AGFG1: variants seen among roughly 807,000 people sequenced by gnomAD.
The protein encoded by AGFG1 is ArfGAP with FG repeats 1.
AGFG1 carries 10 observed loss-of-function variants against 60.6 expected under a neutral mutation model. That is an observed-to-expected ratio of 0.16 (90% CI 0.10 to 0.28). The LOEUF (loss-of-function observed/expected upper bound fraction) is 0.28, where lower values mean the gene tolerates loss of function less well. AGFG1 is among the 10% of genes least tolerant of loss of function. The pLI is 1.00. For synonymous variants in AGFG1, 247 were observed against 242.9 expected, an observed-to-expected ratio of 1.02 and a Z score of -0.16; for missense variants, 537 against 676.5, an observed-to-expected ratio of 0.79 and a Z score of 2.29.
chr2:227,552,889 T>A (rs1303312407), intron 11 of AGFG1, among the ~76,000 whole-genome samples: 1 of 150,832 alleles, frequency 6.6e-6, no homozygotes, highest in Non-Finnish European at 1.5e-5. Context: ...TAATCCCAGC[T>A]GTTCAGGAAG....
At position 227,515,122 on chromosome 2, in the gene AGFG1, T is replaced by C. The variant is rs548064748; in HGVS notation, c.262-4826T>C. On this transcript the variant is annotated intron_variant, in intron 2 of 12. Transcript: ENST00000310078. ...TTTTTGTAGAGACTGTATTTTGCCA[T>C]GTTGCCCAGGCTGGTCTTGAATTCC... Among the ~76,000 whole-genome samples, 5 of 152,242 alleles carry C rather than the reference T, an allele frequency of 3.3e-5. No individual in the cohort carries two copies. In the East Asian group the frequency reaches 7.7e-4, roughly 23 times the overall value.
intron 8 of AGFG1, among the ~76,000 whole-genome samples, chr2:227,536,345 G>C (rs756123948): frequency 6.6e-6 from 1 of 152,080 alleles, no homozygotes; most frequent in Non-Finnish European, 1.5e-5. Context: ...TGAATATTAA[G>C]ATAGTGGCAC....
chr2:227,497,267 G>A (rs957965454), intron 2 of AGFG1, among the ~76,000 whole-genome samples: 4 of 150,410 alleles, frequency 2.7e-5, no homozygotes, highest in Non-Finnish European at 4.4e-5. Flanking sequence ...TCTGCAGATT[G>A]AAGATGTATA....
At chr2:227,495,258 C>A (rs1690940034) in intron 2 of AGFG1, among the ~76,000 whole-genome samples, 1 of 151,826 alleles carries the variant, frequency 6.6e-6, no homozygotes, top group Middle Eastern at 3.2e-3. Flanking sequence ...TAAAAAAAAA[C>A]CTGTAGTGAT....
At chr2:227,544,864 G>A (rs559362801) in intron 10 of AGFG1, among the ~76,000 whole-genome samples, 24 of 152,194 alleles carry the variant, frequency 1.6e-4, no homozygotes, top group African/African-American at 4.6e-4. Context: ...TGGGTAGCCC[G>A]ACCTTTCTCT....
intron 9 of AGFG1, 49 bp downstream of exon 9, chr2:227,536,753 A>C: frequency 6.3e-7 from 1 of 1,593,374 alleles, no homozygotes; most frequent in Non-Finnish European, 8.6e-7. Context: ...ACCCAAATAT[A>C]TATTGTGTAG....
intron 10 of AGFG1, among the ~76,000 whole-genome samples, chr2:227,547,727 C>T (rs1312626070): frequency 1.3e-5 from 2 of 152,094 alleles, no homozygotes; most frequent in Non-Finnish European, 2.9e-5. Context: ...ATAGAAACCT[C>T]GTATATTGCT....
At chr2:227,510,731 C>T (rs979741465) in intron 2 of AGFG1, 2 of 152,142 alleles carry the variant, frequency 1.3e-5, no homozygotes, top group African/African-American at 4.8e-5. Context: ...ATCTAGAACA[C>T]AGTTCTGATG....
At chr2:227,553,612 A>C in intron 11 of AGFG1, 92 bp from the exon 12 acceptor site, 1 of 1,017,590 alleles carries the variant, frequency 9.8e-7, no homozygotes, top group Non-Finnish European at 1.5e-6. Context: ...CTGCTCTGGT[A>C]GGAATGTCTC....
chr2:227,506,115 T>G (rs955865227), intron 2 of AGFG1, among the ~76,000 whole-genome samples: 7 of 152,256 alleles, frequency 4.6e-5, no homozygotes, highest in Admixed American at 4.6e-4. Context: ...TCTTTATCAT[T>G]GCAGAATCTG....
chr2:227,520,079 G>A lies in AGFG1; in HGVS notation c.377+16G>A, dbSNP rs751258123. On this transcript the variant is annotated intron_variant, in intron 3 of 12. Transcript: ENST00000310078. ...AGAAAAGATGGTGAGTGAAGAGTTTGTATGTAGAATAAAGCCTCCCCAAAT... is the reference window on the plus strand; with the variant it reads ...AGAAAAGATGGTGAGTGAAGAGTTTATATGTAGAATAAAGCCTCCCCAAAT... 7 of 1,481,548 alleles carry A rather than the reference G, an allele frequency of 4.7e-6. No homozygotes were observed. Among genetic ancestry groups the A allele is most frequent in the South Asian group, 1.2e-5 (1 of 82,052 alleles). The allele number at this position is 1,481,548 out of a possible 1,614,324, so 91.8% of individuals were successfully genotyped here. A position where few individuals can be genotyped will look rare whatever the true frequency, so the allele number is the denominator to read the frequency against.
chr2:227,484,675 T>C (rs1284671448), intron 1 of AGFG1, among the ~76,000 whole-genome samples: 1 of 128,446 alleles, frequency 7.8e-6, no homozygotes, highest in Admixed American at 9.1e-5. Context: ...GAAGATCTCT[T>C]AGTTTTTTTT....
intron 3 of AGFG1, among the ~76,000 whole-genome samples, chr2:227,522,457 G>C (rs1324345509): frequency 1.3e-5 from 2 of 152,178 alleles, no homozygotes; most frequent in African/African-American, 4.8e-5. Context: ...AGTTGTTTGT[G>C]ATTATTATGT....
At chr2:227,496,260 C>T (rs890127262) in intron 2 of AGFG1, among the ~76,000 whole-genome samples, 1 of 151,990 alleles carries the variant, frequency 6.6e-6, no homozygotes, top group African/African-American at 2.4e-5. Context: ...GCTTTGAAAA[C>T]CCATGCAATA....
rs147364754 is a variant in AGFG1, at chr2:227,494,117, A to G, written c.261+2477A>G. On this transcript the variant is annotated intron_variant, in intron 2 of 12. Transcript: ENST00000310078. ...CTTAGAACCAAAATAATGGACAGGTATGTTTGGTTCTTTACAGTATTAACA... is the reference window on the plus strand; with the variant it reads ...CTTAGAACCAAAATAATGGACAGGTGTGTTTGGTTCTTTACAGTATTAACA... Among the ~76,000 whole-genome samples, 535 of 152,336 alleles carry G rather than the reference A, an allele frequency of 3.5e-3. 5 individuals carry two copies. Among genetic ancestry groups the G allele is most frequent in the South Asian group, 0.026 (127 of 4,824 alleles).
intron 12 of AGFG1, 119 bp downstream of exon 12, chr2:227,553,914 C>T: frequency 1.5e-6 from 1 of 688,802 alleles, no homozygotes; most frequent in South Asian, 2.2e-5. Flanking sequence ...TGAGTGACAT[C>T]ATAAGATTGT....
rs546726363 is a variant in AGFG1 at position 227,557,488 on chromosome 2, T to C, written c.*2993T>C. On this transcript the variant is annotated 3_prime_UTR_variant, in exon 13 of 13. Transcript: ENST00000310078. ...CCACTGTACCAACATCTCTGGAGCA[T>C]TTTAGTTTCAGAACCTTAACACTCC... 6.6e-6 allele frequency: 1 copy of C among 152,264 alleles called. No homozygotes were observed. Among genetic ancestry groups the C allele is most frequent in the African/African-American group, 2.4e-5 (1 of 41,556 alleles). 9.4% of individuals were successfully genotyped at this position (152,264 alleles called of 1,614,324 possible). A position where few individuals can be genotyped will look rare whatever the true frequency, so the allele number is the denominator to read the frequency against.
chr2:227,505,309 G>T (rs576599319), intron 2 of AGFG1, among the ~76,000 whole-genome samples: 19 of 152,148 alleles, frequency 1.2e-4, no homozygotes, highest in Non-Finnish European at 2.2e-4. Context: ...GTATGTGTAT[G>T]TATTTATCCT....
intron 2 of AGFG1, among the ~76,000 whole-genome samples, chr2:227,493,808 A>G (rs1490204460): frequency 1.3e-5 from 2 of 152,218 alleles, no homozygotes; most frequent in African/African-American, 2.4e-5. Context: ...ATGGTATTAG[A>G]TAAATAATGA....
Sources: gnomAD v4.1 joint callset for allele counts (sites outside exome capture counted in the v4.1 genomes callset) on GRCh38, gnomAD v4.1.1 for gene constraint, MANE v1.5 for transcripts, NCBI Gene and HGNC (gene_info 2026-07-23, HGNC 2026-07-21) for gene names.